SEC24B: variants seen among roughly 807,000 people sequenced by gnomAD.
SEC24B encodes SEC24 homolog B, COPII component.
A neutral mutation model predicts 142.8 loss-of-function variants in SEC24B; 45 were observed. That is an observed-to-expected ratio of 0.32 (90% CI 0.25 to 0.40). The LOEUF (loss-of-function observed/expected upper bound fraction) is 0.40. Ranked by LOEUF, SEC24B falls within the 10% of genes least tolerant of loss-of-function variation. SEC24B has a pLI of 1.00. For missense variants in SEC24B, 1,409 were observed against 1,526.8 expected, an observed-to-expected ratio of 0.92 and a Z score of 1.29; for synonymous variants, 574 against 568.2, an observed-to-expected ratio of 1.01 and a Z score of -0.15.
intron 1 of SEC24B, among the ~76,000 whole-genome samples, chr4:109,437,000 G>A (rs577671955): frequency 8.5e-5 from 13 of 152,326 alleles, no homozygotes; most frequent in Admixed American, 3.9e-4. Flanking sequence ...ACCTAAGGAG[G>A]GGGTAGTAGA....
At chr4:109,512,480 T>G (rs377240383) in intron 9 of SEC24B, among the ~76,000 whole-genome samples, 158 of 152,296 alleles carry the variant, frequency 1.0e-3, no homozygotes, top group Non-Finnish European at 2.0e-3. Context: ...CTTTATTCAT[T>G]TCTTCGGGTT....
chr4:109,484,202 T>G (rs935198535), intron 4 of SEC24B, among the ~76,000 whole-genome samples: 2 of 152,212 alleles, frequency 1.3e-5, no homozygotes, highest in African/African-American at 4.8e-5. Flanking sequence ...TTAGCCTCTT[T>G]CCTTGCCTTT....
At chr4:109,464,729 A>G (rs1466968406) in intron 2 of SEC24B, among the ~76,000 whole-genome samples, 1 of 152,220 alleles carries the variant, frequency 6.6e-6, no homozygotes, top group Non-Finnish European at 1.5e-5. Flanking sequence ...ATGCTGTGGA[A>G]AGATATCCTT....
chr4:109,534,599 A>G (rs1036826177), intron 22 of SEC24B, among the ~76,000 whole-genome samples: 1 of 152,214 alleles, frequency 6.6e-6, no homozygotes, highest in Non-Finnish European at 1.5e-5. Context: ...AAAAGAAAAA[A>G]AAATTAAAAT....
chr4:109,516,470 A>G (rs1325924862), intron 10 of SEC24B, 58 bp from the exon 11 acceptor site: 1 of 980,092 alleles, frequency 1.0e-6, no homozygotes, highest in Non-Finnish European at 1.5e-6. Flanking sequence ...CAATAGTAAT[A>G]TATAAAAAGA....
At chr4:109,522,517 G>A (rs1428914791) in intron 14 of SEC24B, among the ~76,000 whole-genome samples, 1 of 152,176 alleles carries the variant, frequency 6.6e-6, no homozygotes, top group African/African-American at 2.4e-5. Flanking sequence ...TGGTAAAAGT[G>A]CAACTTGATT....
At chr4:109,456,375 T>A (rs1218642914) in intron 1 of SEC24B, among the ~76,000 whole-genome samples, 1 of 146,004 alleles carries the variant, frequency 6.8e-6, no homozygotes, top group Non-Finnish European at 1.5e-5. Flanking sequence ...GTCTATCTAC[T>A]ATTTATTTAT....
At chr4:109,491,518 A>T in intron 5 of SEC24B, 111 bp downstream of exon 5, 3 of 754,122 alleles carry the variant, frequency 4.0e-6, no homozygotes, top group Non-Finnish European at 6.5e-6. Flanking sequence ...TTTAACAAGA[A>T]AAAAAGGACA....
chr4:109,453,805 C>G (rs1730384367), intron 1 of SEC24B, among the ~76,000 whole-genome samples: 2 of 152,132 alleles, frequency 1.3e-5, no homozygotes, highest in Admixed American at 1.3e-4. Flanking sequence ...TCTATGAGAT[C>G]TTCACAATTT....
chr4:109,508,963 C>T lies in SEC24B; in HGVS notation c.1674-1046C>T, dbSNP rs1203911182. 2.0e-5 allele frequency among the ~76,000 whole-genome samples: 3 copies of T among 152,170 alleles called. 1 individual carries two copies. Among genetic ancestry groups the T allele is most frequent in the South Asian group, 4.2e-4 (2 of 4,812 alleles). On this transcript the variant is annotated intron_variant, in intron 7 of 23. Transcript: ENST00000265175. ...GTGGAATCACAGAACTTATATTCTCCGATGAACAGTCAAACTAGTAAATAT... is the reference window on the plus strand; with the variant it reads ...GTGGAATCACAGAACTTATATTCTCTGATGAACAGTCAAACTAGTAAATAT...
At chr4:109,455,926 TG>T in intron 1 of SEC24B, among the ~76,000 whole-genome samples, 1 of 152,226 alleles carries the variant, frequency 6.6e-6, no homozygotes, top group East Asian at 1.9e-4. Flanking sequence ...AAAAACCTGC[TG>T]GTGTTGTTTA....
At chr4:109,509,861 A>G (rs930985878) in intron 7 of SEC24B, 148 bp from the exon 8 acceptor site, 15 of 500,028 alleles carry the variant, frequency 3.0e-5, no homozygotes, top group Non-Finnish European at 5.0e-5. Context: ...ATACATGCCT[A>G]ATTAATCAGG....
intron 1 of SEC24B, among the ~76,000 whole-genome samples, chr4:109,444,985 G>A (rs1167644554): frequency 6.6e-6 from 1 of 152,034 alleles, no homozygotes; most frequent in Non-Finnish European, 1.5e-5. Context: ...CCAAGCTGGA[G>A]CGATCACTGC....
intron 1 of SEC24B, among the ~76,000 whole-genome samples, chr4:109,450,541 C>G (rs1729959113): frequency 6.6e-6 from 1 of 151,488 alleles, no homozygotes; most frequent in South Asian, 2.1e-4. Flanking sequence ...ACCTGTAATC[C>G]CAGCTACTTG....
chr4:109,437,664 G>A (rs773657084), intron 1 of SEC24B, among the ~76,000 whole-genome samples: 13 of 151,718 alleles, frequency 8.6e-5, no homozygotes, highest in Admixed American at 3.9e-4. Flanking sequence ...TCGCTGTGTC[G>A]CCCAGGCTGG....
At chr4:109,505,531 A>G (rs1452058761) in intron 6 of SEC24B, among the ~76,000 whole-genome samples, 2 of 152,150 alleles carry the variant, frequency 1.3e-5, no homozygotes, top group East Asian at 1.9e-4. Flanking sequence ...GGAACTGTCA[A>G]CGTGGACTCA....
At chr4:109,525,944 A>G (rs1724174049) in intron 16 of SEC24B, among the ~76,000 whole-genome samples, 1 of 152,062 alleles carries the variant, frequency 6.6e-6, no homozygotes, top group African/African-American at 2.4e-5. Context: ...TAATTTTGTA[A>G]ATTAAATGTT....
Position 109,463,138 on chromosome 4 carries a change from C to G in SEC24B, c.371C>G (p.Pro124Arg). The change falls in exon 2 of 24, where the codon CCT becomes CGT. Residue 124 changes from proline (P) to arginine (R), a missense_variant. By Grantham distance (103) the Pro-to-Arg change is moderately radical. Transcript: ENST00000265175. Reference protein sequence around the residue: ...QQLYSRGPPAPHIVGSTLGSF... With the variant: ...QQLYSRGPPARHIVGSTLGSF... ...TTGTACAGCAGGGGTCCTCCTGCCC[C>G]TCATATTGTGGGATCCACTCTAGGA... is the stretch of plus-strand genomic sequence containing the variant. The G allele has an allele frequency of 1.2e-6, 2 of 1,614,078 alleles. No individual in the cohort carries two copies. Among genetic ancestry groups the G allele is most frequent in the Non-Finnish European group, 1.7e-6 (2 of 1,179,970 alleles).
intron 1 of SEC24B, among the ~76,000 whole-genome samples, chr4:109,434,358 T>A (rs2125883117): frequency 6.6e-6 from 1 of 152,210 alleles, no homozygotes; most frequent in South Asian, 2.1e-4. Flanking sequence ...CCCAGTTACC[T>A]AGCCTGGACG....
Sources: gnomAD v4.1 joint callset for allele counts (sites outside exome capture counted in the v4.1 genomes callset) on GRCh38, gnomAD v4.1.1 for gene constraint, MANE v1.5 for transcripts, NCBI Gene and HGNC (gene_info 2026-07-23, HGNC 2026-07-21) for gene names.